WWC1: variants seen among roughly 807,000 people sequenced by gnomAD.
The protein encoded by WWC1 is WW and C2 domain containing 1.
A neutral mutation model predicts 138.4 loss-of-function variants in WWC1; 55 were observed. That is an observed-to-expected ratio of 0.40 (90% CI 0.32 to 0.50). The LOEUF is 0.50. Ranked by LOEUF, WWC1 falls within the 20% of genes least tolerant of loss-of-function variation. WWC1 has a pLI of 0.72. For missense variants in WWC1, 1,226 were observed against 1,420.4 expected (o/e 0.86, Z 2.20); for synonymous variants, 524 against 564.9 (o/e 0.93, Z 1.03).
Position 168,409,190 on chromosome 5 carries a change from T to C in WWC1, c.867+537T>C, listed in dbSNP as rs144355957. On this transcript the variant is annotated intron_variant, in intron 7 of 22. Coordinates refer to ENST00000265293, the MANE Select transcript of WWC1 (RefSeq NM_015238.3). ...TAGAGTAGGGCTGAACCATGGTGCC[T>C]CGTAACTTTTGGAGAGCTTTTGTTT... 3.3e-3 allele frequency among the ~76,000 whole-genome samples: 510 copies of C among 152,262 alleles called. 2 individuals carry two copies. The highest frequency in any genetic ancestry group is 0.011 in the African/African-American group (464 of 41,550).
chr5:168,460,709 C>T lies in WWC1; in HGVS notation c.2883C>T (p.Asn961=), dbSNP rs761868203. The T allele has an allele frequency of 1.2e-6, 2 of 1,614,170 alleles. No individual in the cohort carries two copies. The highest frequency in any genetic ancestry group is 2.2e-5 in the South Asian group (2 of 91,074). The stretch of plus-strand genomic sequence containing the variant: ...CCAAAAAGCCACCTTTTGTTCGAAA[C>T]TCCCTGGAGCGACGCAGCGTCCGGA... The part of the protein sequence containing the change: ...TLSKKPPFVR[N]SLERRSVRMK... Residue 961 remains asparagine (N), a synonymous_variant, in exon 20 of 23, where the codon AAC becomes AAT. Coordinates refer to ENST00000265293, the MANE Select transcript of WWC1 (RefSeq NM_015238.3).
intron 2 of WWC1, among the ~76,000 whole-genome samples, chr5:168,372,230 C>CT (rs1776814667): frequency 2.6e-5 from 4 of 151,796 alleles, no homozygotes; most frequent in Admixed American, 2.6e-4. Context: ...AGCAGGTTGT[C>CT]TGACAGGTGG....
intron 1 of WWC1, among the ~76,000 whole-genome samples, chr5:168,311,019 A>G (rs955917165): frequency 1.3e-5 from 2 of 152,172 alleles, no homozygotes; most frequent in Non-Finnish European, 2.9e-5. Flanking sequence ...GCAGGTGCCA[A>G]TAATTGGTAG....
chr5:168,323,424 A>G (rs1468853952), intron 1 of WWC1, among the ~76,000 whole-genome samples: 2 of 152,082 alleles, frequency 1.3e-5, no homozygotes, highest in Non-Finnish European at 2.9e-5. Context: ...GTATGTGCCC[A>G]TAGTCCCAGT....
intron 1 of WWC1, among the ~76,000 whole-genome samples, chr5:168,298,830 T>C (rs1769799081): frequency 6.6e-6 from 1 of 152,170 alleles, no homozygotes; most frequent in Non-Finnish European, 1.5e-5. Flanking sequence ...ACTCCTGTAA[T>C]TTCAGCACTT....
At chr5:168,393,636 C>A (rs948297939) in intron 3 of WWC1, among the ~76,000 whole-genome samples, 5 of 152,082 alleles carry the variant, frequency 3.3e-5, no homozygotes, top group Non-Finnish European at 7.3e-5. Flanking sequence ...TGATGTTCTA[C>A]CAAAATGAGG....
intron 1 of WWC1, among the ~76,000 whole-genome samples, chr5:168,348,125 CA>C (rs758197836): frequency 1.3e-4 from 20 of 152,230 alleles, no homozygotes; most frequent in Non-Finnish European, 2.5e-4. Flanking sequence ...CTGGCAGCCC[CA>C]TTTGACAGGT....
Position 168,455,347 on chromosome 5 carries a change from C to A in WWC1, c.2659-9C>A, listed in dbSNP as rs1756212208. The stretch of plus-strand genomic sequence containing the variant: ...CACTGGTGGCTTCAAGGTGTGACTT[C>A]TTCCTCAGGTGGACAAAGAGACCAA... On this transcript the variant is annotated splice_polypyrimidine_tract_variant and intron_variant, in intron 18 of 22. Coordinates refer to ENST00000265293, the MANE Select transcript of WWC1 (RefSeq NM_015238.3). 2 of 1,563,098 alleles carry A rather than the reference C, an allele frequency of 1.3e-6. No individual in the cohort carries two copies. Among genetic ancestry groups the A allele is most frequent in the African/African-American group, 1.4e-5 (1 of 71,940 alleles).
chr5:168,328,034 C>T (rs1350004539), intron 1 of WWC1, among the ~76,000 whole-genome samples: 1 of 152,212 alleles, frequency 6.6e-6, no homozygotes, highest in African/African-American at 2.4e-5. Context: ...GAAATACCTG[C>T]AGAGTTGAGT....
At chr5:168,398,977 A>G (rs892687080) in intron 4 of WWC1, among the ~76,000 whole-genome samples, 1 of 152,240 alleles carries the variant, frequency 6.6e-6, no homozygotes, top group African/African-American at 2.4e-5. Context: ...AGTGTAGGCC[A>G]CACAAACCAG....
Position 168,423,147 on chromosome 5 carries a change from C to CT in WWC1, c.1275-386_1275-385insT, listed in dbSNP as rs1426486732. 1.0e-3 allele frequency among the ~76,000 whole-genome samples: 94 copies of CT among 92,984 alleles called. No homozygotes were observed. In the East Asian group the frequency reaches 0.026, roughly 26 times the overall value. 61.0% of individuals were successfully genotyped at this position (92,984 alleles called of 152,430 possible). ...GCGACAGAGCAAGACTCCATCCCCC[C>CT]CCAAAAAAAAAAAAAAAAAAAAAAA... On this transcript the variant is annotated intron_variant, in intron 10 of 22. Coordinates refer to ENST00000265293, the MANE Select transcript of WWC1 (RefSeq NM_015238.3).
chr5:168,341,384 A>G lies in WWC1; in HGVS notation c.120-30040A>G, dbSNP rs189396416. ...TATAGTATGCAGGCTTCTGAAGTCA[A>G]GCATTTACTCATCTATTACTCAGCA... is the stretch of plus-strand genomic sequence containing the variant. On this transcript the variant is annotated intron_variant, in intron 1 of 22. Transcript: ENST00000265293. 1.4e-3 allele frequency among the ~76,000 whole-genome samples: 210 copies of G among 152,248 alleles called. 1 individual carries two copies. The highest frequency in any genetic ancestry group is 4.9e-3 in the African/African-American group (202 of 41,530).
intron 11 of WWC1, among the ~76,000 whole-genome samples, chr5:168,424,290 A>T (rs1781346784): frequency 6.6e-6 from 1 of 152,236 alleles, no homozygotes; most frequent in Admixed American, 6.5e-5. Context: ...TCCAACAGAC[A>T]TTTAGCACCT....
chr5:168,373,719 TAAA>T (rs368930085), intron 2 of WWC1, among the ~76,000 whole-genome samples: 8 of 52,646 alleles, frequency 1.5e-4, no homozygotes, highest in South Asian at 1.0e-3. Context: ...CCTTGTCTCT[TAAA>T]AAAAAAAAAA....
intron 1 of WWC1, among the ~76,000 whole-genome samples, chr5:168,318,877 C>T (rs953910553): frequency 1.3e-5 from 2 of 152,060 alleles, no homozygotes; most frequent in African/African-American, 4.8e-5. Flanking sequence ...GGCTATTTTA[C>T]TTAGCATAAT....
intron 1 of WWC1, among the ~76,000 whole-genome samples, chr5:168,323,437 T>C (rs943003997): frequency 3.3e-5 from 5 of 151,952 alleles, no homozygotes; most frequent in African/African-American, 9.7e-5. Context: ...GTCCCAGTTA[T>C]TTGGGAAGCT....
At chr5:168,424,160 T>C (rs1162590650) in intron 11 of WWC1, 92 bp downstream of exon 11, 5 of 1,442,192 alleles carry the variant, frequency 3.5e-6, no homozygotes, top group Admixed American at 2.6e-5. Context: ...CTAGTCGATA[T>C]TTACTGACTG....
intron 1 of WWC1, among the ~76,000 whole-genome samples, chr5:168,313,863 G>A (rs755809618): frequency 1.3e-5 from 2 of 152,160 alleles, no homozygotes; most frequent in South Asian, 2.1e-4. Context: ...AAGGAGCTTC[G>A]CAGCTTATTC....
intron 15 of WWC1, among the ~76,000 whole-genome samples, chr5:168,434,963 G>C (rs1391934384): frequency 6.6e-6 from 1 of 152,076 alleles, no homozygotes; most frequent in East Asian, 1.9e-4. Flanking sequence ...CCCTGTCAAA[G>C]TGAACTCTCC....
Sources: gnomAD v4.1 joint callset for allele counts (sites outside exome capture counted in the v4.1 genomes callset) on GRCh38, gnomAD v4.1.1 for gene constraint, MANE v1.5 for transcripts, NCBI Gene and HGNC (gene_info 2026-07-23, HGNC 2026-07-21) for gene names.